The following ITGB8 variants were observed in gnomAD, a reference collection of about 807,000 sequenced individuals.
ITGB8 encodes integrin beta-8.
In ITGB8, 30 loss-of-function variants were observed where a neutral mutation model predicts 89.5. The observed-to-expected ratio is 0.34, with a 90% CI of 0.25 to 0.45. ITGB8 has a LOEUF of 0.45. Among genes scored for constraint, ITGB8 ranks in the 20% least tolerant of loss-of-function variants. ITGB8 has a pLI of 1.00. For missense variants in ITGB8, 836 were observed against 933.3 expected (o/e 0.90, Z 1.36); for synonymous variants, 335 against 320.4 (o/e 1.05, Z -0.49).
At chr7:20,347,577 C>T (rs367578269) in intron 1 of ITGB8, among the ~76,000 whole-genome samples, 1 of 151,988 alleles carries the variant, frequency 6.6e-6, no homozygotes, top group African/African-American at 2.4e-5. Context: ...AGGTTGACCA[C>T]AAAGATTTAA....
chr7:20,352,217 G>C (rs750739921), intron 1 of ITGB8: 9 of 152,196 alleles, frequency 5.9e-5, no homozygotes, highest in Non-Finnish European at 1.3e-4. Context: ...CCTTTTTCAA[G>C]TTCTAAGTCT....
chr7:20,334,158 T>C (rs895027409), intron 1 of ITGB8, among the ~76,000 whole-genome samples: 3 of 152,152 alleles, frequency 2.0e-5, no homozygotes, highest in African/African-American at 7.2e-5. Flanking sequence ...GTGGGGGATG[T>C]TATTAATCAA....
chr7:20,351,924 A>C (rs976989283), intron 1 of ITGB8, among the ~76,000 whole-genome samples: 1 of 152,142 alleles, frequency 6.6e-6, no homozygotes, highest in African/African-American at 2.4e-5. Flanking sequence ...ATACCTGCCA[A>C]GAGTTGGAAA....
At chr7:20,333,845 C>G (rs532837509) in intron 1 of ITGB8, among the ~76,000 whole-genome samples, 1 of 152,254 alleles carries the variant, frequency 6.6e-6, no homozygotes, top group Non-Finnish European at 1.5e-5. Flanking sequence ...CAGTATAACT[C>G]AGAAAATTAG....
intron 3 of ITGB8, 141 bp downstream of exon 3, chr7:20,367,327 AT>A: frequency 1.4e-6 from 1 of 691,722 alleles, no homozygotes; most frequent in South Asian, 1.7e-5. Flanking sequence ...AGAAATTAGA[AT>A]TCTAGTCTTT....
At chr7:20,336,511 CAAAT>C (rs1281593807) in intron 1 of ITGB8, among the ~76,000 whole-genome samples, 1 of 152,116 alleles carries the variant, frequency 6.6e-6, no homozygotes, top group East Asian at 1.9e-4. Flanking sequence ...GTTTTTGAAA[CAAAT>C]AAACAGGAGC....
chr7:20,332,241 G>A (rs1450557361), intron 1 of ITGB8, among the ~76,000 whole-genome samples: 7 of 152,210 alleles, frequency 4.6e-5, no homozygotes, highest in Admixed American at 3.3e-4. Flanking sequence ...AAGTCATTTA[G>A]GGGCCCTGGT....
chr7:20,414,808 C>G lies in ITGB8; in HGVS notation c.*4811C>G, dbSNP rs1336127714. 2.6e-5 allele frequency: 4 copies of G among 152,516 alleles called. No individual in the cohort carries two copies. Among genetic ancestry groups the G allele is most frequent in the African/African-American group, 9.7e-5 (4 of 41,436 alleles). 9.4% of individuals were successfully genotyped at this position (152,516 alleles called of 1,614,324 possible). On this transcript the variant is annotated 3_prime_UTR_variant, in exon 14 of 14. Transcript: ENST00000222573. ...TAAACCTGAGAGTAATAACACTACT[C>G]TTTTATCTACCTGGAATACTTTTCT...
chr7:20,344,629 G>T (rs886921308), intron 1 of ITGB8, among the ~76,000 whole-genome samples: 1 of 152,238 alleles, frequency 6.6e-6, no homozygotes, highest in African/African-American at 2.4e-5. Context: ...CTTTGTGTGT[G>T]TGCAGGGAGC....
At chr7:20,340,616 A>T (rs950916066) in intron 1 of ITGB8, among the ~76,000 whole-genome samples, 2 of 152,222 alleles carry the variant, frequency 1.3e-5, no homozygotes, top group African/African-American at 4.8e-5. Context: ...CTGCTGTTTC[A>T]TGTGTACATG....
At chr7:20,400,713 T>G (rs900884205) in intron 9 of ITGB8, among the ~76,000 whole-genome samples, 1 of 152,136 alleles carries the variant, frequency 6.6e-6, no homozygotes, top group Non-Finnish European at 1.5e-5. Flanking sequence ...ATTTGACCAA[T>G]TCCTGCCAGC....
intron 1 of ITGB8, among the ~76,000 whole-genome samples, chr7:20,339,593 C>A (rs1784686690): frequency 6.6e-6 from 1 of 152,036 alleles, no homozygotes; most frequent in Non-Finnish European, 1.5e-5. Flanking sequence ...TGAAAAAAGT[C>A]CTTAACTAAT....
chr7:20,377,589 T>A (rs1407352587), intron 3 of ITGB8, among the ~76,000 whole-genome samples: 8 of 152,178 alleles, frequency 5.3e-5, no homozygotes, highest in Non-Finnish European at 1.2e-4. Context: ...GTTCTTTCTG[T>A]CAACAGAAGC....
chr7:20,355,344 G>A (rs1381338889), intron 1 of ITGB8, among the ~76,000 whole-genome samples: 1 of 152,178 alleles, frequency 6.6e-6, no homozygotes, highest in African/African-American at 2.4e-5. Flanking sequence ...CTCACTGCCT[G>A]TCCCAGTAAA....
intron 1 of ITGB8, among the ~76,000 whole-genome samples, chr7:20,334,896 T>G (rs1262981543): frequency 1.3e-5 from 2 of 152,202 alleles, no homozygotes; most frequent in Non-Finnish European, 2.9e-5. Flanking sequence ...CTTAATGGAT[T>G]CTTTTTGGTT....
intron 1 of ITGB8, among the ~76,000 whole-genome samples, chr7:20,359,570 T>A (rs1184300948): frequency 6.6e-6 from 1 of 152,160 alleles, no homozygotes; most frequent in Non-Finnish European, 1.5e-5. Context: ...ACTGTCCGTG[T>A]CTGTAAACAG....
At position 20,367,028 on chromosome 7, in the gene ITGB8, G is replaced by A. The variant is rs770431158; in HGVS notation, c.230G>A (p.Gly77Glu). 2.5e-6 allele frequency: 4 copies of A among 1,608,104 alleles called. No individual in the cohort carries two copies. Among genetic ancestry groups the A allele is most frequent in the Non-Finnish European group, 2.5e-6 (3 of 1,178,122 alleles). ...TTTAAACAGGATTTCATTTCAGGTG[G>A]ATCAAGAAGTGAACGTTGTGATATT... The part of the protein sequence containing the change: ...WCVQEDFISG[G>E]SRSERCDIVS... The change falls in exon 3 of 14, where the codon GGA (glycine) becomes GAA (glutamate). Residue 77 changes from glycine (G) to glutamate (E), a missense_variant. Physicochemically the swap from Gly to Glu is moderately conservative, Grantham distance 98. Around this residue, in one of 5 missense-constraint regions of ITGB8, gnomAD observed 182 missense variants for 177.0 expected, o/e 1.03. Transcript: ENST00000222573.
At position 20,414,136 on chromosome 7, in the gene ITGB8, A is replaced by G. The variant is rs890805358; in HGVS notation, c.*4139A>G. 1 of 152,198 alleles carries G rather than the reference A, an allele frequency of 6.6e-6. No individual in the cohort carries two copies. Among genetic ancestry groups the G allele is most frequent in the Non-Finnish European group, 1.5e-5 (1 of 67,988 alleles). The allele number at this position is 152,198 out of a possible 1,614,324, so 9.4% of individuals were successfully genotyped here. ...CAGTGTTTAAAATTATGCTTGAATA[A>G]ATATTACACTAATCCAACTTTACCT... On this transcript the variant is annotated 3_prime_UTR_variant, in exon 14 of 14. Transcript: ENST00000222573.
At chr7:20,372,661 G>A (rs1193825844) in intron 3 of ITGB8, among the ~76,000 whole-genome samples, 3 of 152,030 alleles carry the variant, frequency 2.0e-5, no homozygotes, top group African/African-American at 7.3e-5. Context: ...TGGGGAGTAG[G>A]AGAGTGAAAA....
Sources: allele counts gnomAD v4.1 joint callset (sites outside exome capture counted in the v4.1 genomes callset), GRCh38; gene constraint gnomAD v4.1.1; regional missense constraint gnomAD v4.1.1; transcripts MANE v1.5; gene names NCBI Gene and HGNC (gene_info 2026-07-23, HGNC 2026-07-21).